Variants in PANK2 observed in about 807,000 individuals in gnomAD.
PANK2 encodes the protein pantothenate kinase 2, also known as pantothenate kinase 2, mitochondrial.
PANK2 carries 36 observed loss-of-function variants against 43.1 expected under a neutral mutation model. The observed-to-expected ratio is 0.84, with a 90% CI of 0.64 to 1.10. The LOEUF is 1.10. PANK2 is among the 50% of genes least tolerant of loss of function. The pLI is 0.00. For missense variants in PANK2, 576 were observed against 593.3 expected, an observed-to-expected ratio of 0.97 and a Z score of 0.30; for synonymous variants, 281 against 238.2, an observed-to-expected ratio of 1.18 and a Z score of -1.66.
upstream of PANK2, chr20:3,889,055 G>A (rs1316717310): frequency 1.6e-5 from 23 of 1,445,890 alleles, no homozygotes; most frequent in East Asian, 3.7e-4. Context: ...TCCGCGGCCC[G>A]GGGGGGCAGA....
chr20:3,918,467 C>T (rs1343944251), intron 5 of PANK2, among the ~76,000 whole-genome samples: 1 of 151,818 alleles, frequency 6.6e-6, no homozygotes, highest in Admixed American at 6.6e-5. Context: ...GTTTTCTTCT[C>T]CTGTGACATT....
chr20:3,895,996 G>T (rs1023606280), intron 1 of PANK2, among the ~76,000 whole-genome samples: 30 of 152,104 alleles, frequency 2.0e-4, no homozygotes, highest in African/African-American at 6.7e-4. Flanking sequence ...TTAACCATCT[G>T]TGGTCTGGTA....
rs1250159808 is a variant in PANK2 at position 3,925,618 on chromosome 20, TCAG to T, written c.*2328_*2330del. On this transcript the variant is annotated 3_prime_UTR_variant, in exon 7 of 7. Coordinates refer to ENST00000610179, the MANE Select transcript of PANK2 (RefSeq NM_001386393.1). ...TTCACAGCCTCATCTCAGTTCTCACTCAGCAGAGCCCTCTTGCCTGTCCTGCCA... is the reference window on the plus strand; with the variant it reads ...TTCACAGCCTCATCTCAGTTCTCACTCAGAGCCCTCTTGCCTGTCCTGCCA... The T allele has an allele frequency of 1.3e-5, 2 of 152,184 alleles. No individual in the cohort carries two copies. The highest frequency in any genetic ancestry group is 1.5e-5 in the Non-Finnish European group (1 of 68,082). 9.4% of individuals were successfully genotyped at this position (152,184 alleles called of 1,614,324 possible).
In PANK2 at chr20:3,889,391, T is replaced by A; in HGVS notation, c.-40T>A. On this transcript the variant is annotated 5_prime_UTR_variant, in exon 1 of 7. Transcript: ENST00000610179. ...GCCGGCCGAGGGCGCGCCTCTGCTC[T>A]GGCTGGACTGCCGCGGAGGAGGCGA... 3 of 1,574,552 alleles carry A rather than the reference T, an allele frequency of 1.9e-6. No individual in the cohort carries two copies. The highest frequency in any genetic ancestry group is 2.6e-6 in the Non-Finnish European group (3 of 1,162,176).
chr20:3,915,984 T>G (rs2090554006), intron 4 of PANK2, among the ~76,000 whole-genome samples: 3 of 152,180 alleles, frequency 2.0e-5, no homozygotes, highest in Admixed American at 6.5e-5. Context: ...AATTGTAGGG[T>G]TAACTTGGCA....
At chr20:3,905,515 T>G (rs996479742) in intron 1 of PANK2, among the ~76,000 whole-genome samples, 1 of 141,358 alleles carries the variant, frequency 7.1e-6, no homozygotes, top group Non-Finnish European at 1.6e-5. Context: ...CCCGGCTAAT[T>G]TTTTTGTATT....
intron 1 of PANK2, among the ~76,000 whole-genome samples, chr20:3,894,376 G>A (rs1238684800): frequency 6.6e-6 from 1 of 151,524 alleles, no homozygotes; most frequent in East Asian, 1.9e-4. Context: ...GAATAGCTGG[G>A]ATTACAGGCA....
chr20:3,904,794 T>G (rs1410081098), intron 1 of PANK2, among the ~76,000 whole-genome samples: 2 of 152,176 alleles, frequency 1.3e-5, no homozygotes, highest in Admixed American at 6.5e-5. Context: ...TTCCTGCAAC[T>G]CTTTCTTCAG....
intron 2 of PANK2, 111 bp from the exon 3 acceptor site, chr20:3,910,466 C>T (rs71647840): frequency 4.2e-6 from 5 of 1,200,408 alleles, no homozygotes; most frequent in African/African-American, 1.5e-5. Context: ...TAATACACAT[C>T]TGTGAGTGCA....
chr20:3,897,582 C>A (rs1468441144), intron 1 of PANK2, among the ~76,000 whole-genome samples: 1 of 152,014 alleles, frequency 6.6e-6, no homozygotes, highest in Non-Finnish European at 1.5e-5. Context: ...AGTCCAGCTA[C>A]TTGGGAGGCT....
intron 1 of PANK2, 184 bp downstream of exon 1, chr20:3,889,912 G>T (rs768941676): frequency 6.5e-7 from 1 of 1,532,272 alleles, no homozygotes; most frequent in South Asian, 1.2e-5. Context: ...GGTACCTTCG[G>T]GGGCCCCCCC....
intron 1 of PANK2, among the ~76,000 whole-genome samples, chr20:3,898,688 ATTTC>A (rs991956124): frequency 6.6e-6 from 1 of 152,004 alleles, no homozygotes; most frequent in East Asian, 1.9e-4. Context: ...AGATAGATTT[ATTTC>A]TTTGTTTGTT....
At position 3,889,671 on chromosome 20, in the gene PANK2, A is replaced by G; in HGVS notation, c.241A>G (p.Ser81Gly). ...GAGGCGGGATCGACTGGGCTCTTAC[A>G]GCGGCCCCACCTCGGTCTCCCGCCA... Residue 81 changes from serine to glycine, a missense_variant, in exon 1 of 7, where the codon AGC becomes GGC. By Grantham distance (56) the Ser-to-Gly change is moderately conservative (BLOSUM62 0). Transcript: ENST00000610179. 6.3e-7 allele frequency: 1 copy of G among 1,591,032 alleles called. No homozygotes were observed. Among genetic ancestry groups the G allele is most frequent in the Non-Finnish European group, 8.5e-7 (1 of 1,177,016 alleles).
In PANK2 at chr20:3,926,799, CG is replaced by C. The variant is rs2090726930; in HGVS notation, c.*3508del. ...TACTGAAAATACAAAAATAATTAGC[CG>C]GGAATGGTGGTGCGTGCCTGTAATC... is the stretch of plus-strand genomic sequence containing the variant. On this transcript the variant is annotated 3_prime_UTR_variant, in exon 7 of 7. Transcript: ENST00000610179. 1 of 151,978 alleles carries C rather than the reference CG, an allele frequency of 6.6e-6. No individual in the cohort carries two copies. Among genetic ancestry groups the C allele is most frequent in the Non-Finnish European group, 1.5e-5 (1 of 68,054 alleles). The allele number at this position is 151,978 out of a possible 1,614,324, so 9.4% of individuals were successfully genotyped here.
chr20:3,894,242 G>A (rs2090169557), intron 1 of PANK2, among the ~76,000 whole-genome samples: 1 of 138,596 alleles, frequency 7.2e-6, no homozygotes, highest in African/African-American at 2.7e-5. Context: ...AAAAGATGTT[G>A]TTTGTTTGTT....
rs1249743055 is a variant in PANK2 at position 3,908,150 on chromosome 20, A to G, written c.523A>G (p.Ile175Val). The G allele has an allele frequency of 6.2e-7, 1 of 1,614,204 alleles. No individual in the cohort carries two copies. The highest frequency in any genetic ancestry group is 8.5e-7 in the Non-Finnish European group (1 of 1,180,006). ...TGGACGCAAAGGCAATCTGCACTTTATACGCTTTCCCACTCATGACATGCC... is the reference window on the plus strand; with the variant it reads ...TGGACGCAAAGGCAATCTGCACTTTGTACGCTTTCCCACTCATGACATGCC... Residue 175 changes from isoleucine to valine, a missense_variant, in exon 2 of 7, where the codon ATA becomes GTA. Ile to Val is a conservative substitution (Grantham distance 29, BLOSUM62 3). This residue lies in a region of PANK2 where 544 missense variants were observed against 528.9 expected (regional missense o/e 1.03). Coordinates refer to ENST00000610179, the MANE Select transcript of PANK2 (RefSeq NM_001386393.1).
At chr20:3,889,197 C>T (rs747578965), upstream of PANK2, 13 of 1,612,200 alleles carry the variant, frequency 8.1e-6, no homozygotes, top group South Asian at 1.2e-4. Flanking sequence ...CCGCGGAACC[C>T]GGATCCCCTC....
At position 3,929,631 on chromosome 20, in the gene PANK2, C is replaced by G. The variant is rs2090790936; in HGVS notation, c.*6337C>G. 6.6e-6 allele frequency: 1 copy of G among 152,426 alleles called. No individual in the cohort carries two copies. The highest frequency in any genetic ancestry group is 1.5e-5 in the Non-Finnish European group (1 of 68,216). 9.4% of individuals were successfully genotyped at this position (152,426 alleles called of 1,614,324 possible). A position where few individuals can be genotyped will look rare whatever the true frequency, so the allele number is the denominator to read the frequency against. On this transcript the variant is annotated 3_prime_UTR_variant, in exon 7 of 7. Transcript: ENST00000610179. The stretch of plus-strand genomic sequence containing the variant: ...CCACTGGTCCTCACTTGGAACTGGC[C>G]AAGGTAGGGGAGGGGCCAGCAGCTG...
chr20:3,920,198 T>G (rs2090624501), intron 6 of PANK2, among the ~76,000 whole-genome samples: 1 of 142,266 alleles, frequency 7.0e-6, no homozygotes, highest in South Asian at 2.2e-4. Context: ...ACATGGAGAT[T>G]AGTTTTTTAA....
Sources: allele counts gnomAD v4.1 joint callset (sites outside exome capture counted in the v4.1 genomes callset), GRCh38; gene constraint gnomAD v4.1.1; regional missense constraint gnomAD v4.1.1; transcripts MANE v1.5; gene names NCBI Gene and HGNC (gene_info 2026-07-23, HGNC 2026-07-21).